The following CMSS1 variants were observed in gnomAD, a reference collection of about 807,000 sequenced individuals.
CMSS1 encodes the protein cms1 ribosomal small subunit homolog.
A neutral mutation model predicts 43.5 loss-of-function variants in CMSS1; 33 were observed. The ratio of observed to expected loss-of-function variants is 0.76; its 90% CI spans 0.57 to 1.01. The LOEUF is 1.01. Ranked by LOEUF, CMSS1 falls within the 50% of genes least tolerant of loss-of-function variation. The pLI, the probability that CMSS1 is intolerant of heterozygous loss-of-function variation, is 0.00. For missense variants in CMSS1, 313 were observed against 326.4 expected (o/e 0.96, Z 0.32); for synonymous variants, 115 against 117.2 (o/e 0.98, Z 0.12).
chr3:99,947,097 C>T (rs1403576016), intron 1 of CMSS1, among the ~76,000 whole-genome samples: 2 of 142,484 alleles, frequency 1.4e-5, no homozygotes, highest in African/African-American at 5.3e-5. Flanking sequence ...GAGATTGTGC[C>T]ACTGCACTCC....
At chr3:100,139,637 A>G (rs772641042) in intron 1 of CMSS1, among the ~76,000 whole-genome samples, 19 of 150,894 alleles carry the variant, frequency 1.3e-4, no homozygotes, top group South Asian at 4.2e-4. Flanking sequence ...ATATACACAC[A>G]CACACAAAAA....
At chr3:100,055,277 C>G (rs1242551447) in intron 1 of CMSS1, among the ~76,000 whole-genome samples, 1 of 152,206 alleles carries the variant, frequency 6.6e-6, no homozygotes, top group Non-Finnish European at 1.5e-5. Flanking sequence ...CTCTTGCTTT[C>G]CTCAGTATCT....
At chr3:99,880,342 T>G (rs1268529292) in intron 1 of CMSS1, among the ~76,000 whole-genome samples, 1 of 152,186 alleles carries the variant, frequency 6.6e-6, no homozygotes, top group Non-Finnish European at 1.5e-5. Context: ...TAAAAGAGCC[T>G]TTAACCAGCA....
intron 1 of CMSS1, among the ~76,000 whole-genome samples, chr3:99,835,880 G>A (rs1270225932): frequency 6.6e-6 from 1 of 152,160 alleles, no homozygotes; most frequent in African/African-American, 2.4e-5. Flanking sequence ...TAGGATTTTA[G>A]TATGAGGAAC....
At chr3:100,099,649 A>C (rs1343663169) in intron 1 of CMSS1, among the ~76,000 whole-genome samples, 1 of 152,226 alleles carries the variant, frequency 6.6e-6, no homozygotes, top group Non-Finnish European at 1.5e-5. Flanking sequence ...GATTATCTCT[A>C]GAAAACTATA....
At chr3:99,918,592 G>A (rs1707028066) in intron 1 of CMSS1, among the ~76,000 whole-genome samples, 2 of 152,146 alleles carry the variant, frequency 1.3e-5, no homozygotes, top group Admixed American at 1.3e-4. Context: ...AAATTAAAAG[G>A]CATTGTATGG....
chr3:99,860,506 A>T, intron 1 of CMSS1, among the ~76,000 whole-genome samples: 1 of 152,202 alleles, frequency 6.6e-6, no homozygotes, highest in East Asian at 1.9e-4. Flanking sequence ...ACTGAGAAAA[A>T]GGGTCTCTGA....
intron 6 of CMSS1, among the ~76,000 whole-genome samples, chr3:100,171,556 G>C (rs1199828443): frequency 6.6e-6 from 1 of 152,176 alleles, no homozygotes; most frequent in African/African-American, 2.4e-5. Flanking sequence ...TATTACAAAT[G>C]AAAGGCAGGT....
At chr3:100,115,031 T>G (rs1230013587) in intron 1 of CMSS1, 2 of 1,401,724 alleles carry the variant, frequency 1.4e-6, no homozygotes, top group Admixed American at 2.0e-5. Flanking sequence ...ACATTTTGTT[T>G]TATATTATTC....
At chr3:99,989,042 A>T (rs1029048383) in intron 1 of CMSS1, among the ~76,000 whole-genome samples, 1 of 152,228 alleles carries the variant, frequency 6.6e-6, no homozygotes, top group African/African-American at 2.4e-5. Context: ...ATTTTTCTCA[A>T]CAAATTCTTC....
intron 1 of CMSS1, among the ~76,000 whole-genome samples, chr3:99,946,053 T>C (rs1206131000): frequency 8.5e-5 from 13 of 152,224 alleles, no homozygotes. Context: ...ATAAAGTTCT[T>C]GAAATTATGG....
At chr3:100,176,159 C>T in intron 8 of CMSS1, 168 bp from the exon 9 acceptor site, 1 of 550,272 alleles carries the variant, frequency 1.8e-6, no homozygotes, top group Non-Finnish European at 3.2e-6. Context: ...TCTCAGAGTG[C>T]TGCATTTGTT....
intron 1 of CMSS1, among the ~76,000 whole-genome samples, chr3:99,950,155 G>A (rs144685113): frequency 0.012 from 1,763 of 152,268 alleles, 19 homozygotes; most frequent in African/African-American, 0.026. Context: ...GCCACCTACT[G>A]TAACTGTAGA....
intron 1 of CMSS1, among the ~76,000 whole-genome samples, chr3:100,011,925 T>C (rs1273324068): frequency 2.0e-5 from 3 of 152,222 alleles, no homozygotes; most frequent in African/African-American, 7.2e-5. Context: ...CTTCCACTTT[T>C]AGTCACAGTT....
At position 100,179,870 on chromosome 3, in the gene CMSS1, C is replaced by G. The variant is rs776777156; in HGVS notation, c.*1482C>G. The G allele has an allele frequency of 6.6e-6, 1 of 152,276 alleles. No homozygotes were observed. The allele number at this position is 152,276 out of a possible 1,614,324, so 9.4% of individuals were successfully genotyped here. A position where few individuals can be genotyped will look rare whatever the true frequency, so the allele number is the denominator to read the frequency against. On this transcript the variant is annotated 3_prime_UTR_variant, in exon 10 of 10. Coordinates refer to ENST00000421999, the MANE Select transcript of CMSS1 (RefSeq NM_032359.4). Reference sequence around the variant, plus strand: ...TAGAGGCTCTCCATGAGGGCTTCACCCCTGTAGCAGACTTCTGCCTGGACA... The same window carrying G: ...TAGAGGCTCTCCATGAGGGCTTCACGCCTGTAGCAGACTTCTGCCTGGACA...
At chr3:99,820,878 A>C (rs117696926) in intron 1 of CMSS1, among the ~76,000 whole-genome samples, 2 of 152,390 alleles carry the variant, frequency 1.3e-5, no homozygotes, top group East Asian at 3.9e-4. Context: ...TAAATCAGAG[A>C]AAGGAAAGAT....
chr3:100,086,435 G>T (rs1041098039), intron 1 of CMSS1, among the ~76,000 whole-genome samples: 1 of 152,076 alleles, frequency 6.6e-6, no homozygotes, highest in Non-Finnish European at 1.5e-5. Flanking sequence ...AAAAATCCAG[G>T]TTCTACTCTT....
intron 1 of CMSS1, among the ~76,000 whole-genome samples, chr3:99,860,615 G>C (rs550904072): frequency 6.6e-6 from 1 of 152,294 alleles, no homozygotes; most frequent in East Asian, 1.9e-4. Context: ...TTCATCTTGA[G>C]AACAAAGGAG....
chr3:100,153,909 G>C (rs2066946420), intron 2 of CMSS1, among the ~76,000 whole-genome samples: 1 of 149,858 alleles, frequency 6.7e-6, no homozygotes, highest in South Asian at 2.1e-4. Context: ...GGAGTGCAAT[G>C]ACGCGATCTC....
Sources: gnomAD v4.1 joint callset for allele counts (sites outside exome capture counted in the v4.1 genomes callset) on GRCh38, gnomAD v4.1.1 for gene constraint, MANE v1.5 for transcripts, NCBI Gene and HGNC (gene_info 2026-07-23, HGNC 2026-07-21) for gene names.